Variants in PTCHD4 observed in about 807,000 individuals in gnomAD.
PTCHD4 encodes patched domain-containing protein 4.
A neutral mutation model predicts 58.1 loss-of-function variants in PTCHD4; 33 were observed. The observed-to-expected ratio is 0.57, with a 90% CI of 0.43 to 0.76. The LOEUF is 0.76. Ranked by LOEUF, PTCHD4 falls within the 30% of genes least tolerant of loss-of-function variation. PTCHD4 has a pLI of 0.00. For synonymous variants in PTCHD4, 478 were observed against 409.6 expected (o/e 1.17, Z -2.02); for missense variants, 1,058 against 1,027.1 (o/e 1.03, Z -0.41).
intron 4 of PTCHD4, among the ~76,000 whole-genome samples, chr6:47,944,605 A>C (rs1766349082): frequency 6.6e-6 from 1 of 152,084 alleles, no homozygotes; most frequent in Non-Finnish European, 1.5e-5. Flanking sequence ...CCTCCATTTA[A>C]ATAACAGGTA....
chr6:48,107,127 G>A (rs1442779357), intron 1 of PTCHD4, among the ~76,000 whole-genome samples: 1 of 151,994 alleles, frequency 6.6e-6, no homozygotes, highest in African/African-American at 2.4e-5. Context: ...AACCAAAAAA[G>A]AGCCCACATC....
chr6:48,004,252 G>T (rs1768859698), intron 4 of PTCHD4, among the ~76,000 whole-genome samples: 1 of 152,136 alleles, frequency 6.6e-6, no homozygotes, highest in Admixed American at 6.6e-5. Context: ...GTATCTGAAA[G>T]GCTTGTTTTT....
In PTCHD4 at chr6:47,869,924, G is replaced by A. The variant is rs1763671105; in HGVS notation, c.*8379C>T. 1.3e-5 allele frequency among the ~76,000 whole-genome samples: 2 copies of A among 151,514 alleles called. No homozygotes were observed. Among genetic ancestry groups the A allele is most frequent in the South Asian group, 4.1e-4 (2 of 4,828 alleles). On this transcript the variant is annotated 3_prime_UTR_variant, in exon 5 of 5. Transcript: ENST00000339488. Reference sequence around the variant, plus strand: ...GTTGCATATTATAATATTCTGTGGGGCATTTAATACTAACAATAAAGAATG... The same window carrying A: ...GTTGCATATTATAATATTCTGTGGGACATTTAATACTAACAATAAAGAATG...
chr6:48,007,157 T>C (rs1035904140), intron 4 of PTCHD4, among the ~76,000 whole-genome samples: 1 of 152,060 alleles, frequency 6.6e-6, no homozygotes, highest in African/African-American at 2.4e-5. Flanking sequence ...AGAGGATCAT[T>C]TGAACCTGAG....
rs907348642 is a variant in PTCHD4 at position 47,938,509 on chromosome 6, G to C, written c.899-58573C>G. On this transcript the variant is annotated intron_variant, in intron 4 of 4. Transcript: ENST00000339488. ...ACGGAAATTTCTTCTGAATGCTTCT[G>C]TTTTCTCAGTGAAATATAAAACAAG... 3.3e-5 allele frequency among the ~76,000 whole-genome samples: 5 copies of C among 152,282 alleles called. No individual in the cohort carries two copies. In the East Asian group the frequency reaches 7.7e-4, roughly 24 times the overall value.
At chr6:48,036,759 C>G (rs1035212553) in intron 3 of PTCHD4, among the ~76,000 whole-genome samples, 3 of 152,012 alleles carry the variant, frequency 2.0e-5, no homozygotes, top group Non-Finnish European at 4.4e-5. Flanking sequence ...AAAAAAGTCA[C>G]ATGCTAAGGT....
rs559447043 is a variant in PTCHD4 at position 47,870,768 on chromosome 6, C to T, written c.*7535G>A. ...TGATTTGACATTTTTGTTCACAATT[C>T]GTTTTTAAGCTTTCCTCAGTAAGGT... On this transcript the variant is annotated 3_prime_UTR_variant, in exon 5 of 5. Transcript: ENST00000339488. Among the ~76,000 whole-genome samples, 9 of 151,538 alleles carry T rather than the reference C, an allele frequency of 5.9e-5. No homozygotes were observed. The East Asian group carries it at 1.8e-3, about 30-fold the overall frequency.
intron 4 of PTCHD4, among the ~76,000 whole-genome samples, chr6:47,966,076 T>G (rs1306130593): frequency 6.6e-6 from 1 of 152,188 alleles, no homozygotes; most frequent in Non-Finnish European, 1.5e-5. Flanking sequence ...TAACCTTGTT[T>G]GTTGGTTTCA....
chr6:47,924,729 T>A (rs909615020), intron 4 of PTCHD4, among the ~76,000 whole-genome samples: 3 of 152,136 alleles, frequency 2.0e-5, no homozygotes, highest in African/African-American at 7.2e-5. Flanking sequence ...TCAAAACCAG[T>A]TGAGAGCAGA....
At chr6:47,924,359 T>C (rs1187976948) in intron 4 of PTCHD4, among the ~76,000 whole-genome samples, 2 of 152,136 alleles carry the variant, frequency 1.3e-5, no homozygotes, top group African/African-American at 2.4e-5. Context: ...TTTTGGGTTA[T>C]TATCAAAGTG....
intron 4 of PTCHD4, 118 bp downstream of exon 4, chr6:48,008,516 G>T: frequency 8.4e-7 from 1 of 1,186,984 alleles, no homozygotes; most frequent in Non-Finnish European, 1.2e-6. Context: ...AAAATTTTAT[G>T]TAATGACATA....
At chr6:48,094,436 A>G (rs1765422908) in intron 1 of PTCHD4, among the ~76,000 whole-genome samples, 2 of 152,218 alleles carry the variant, frequency 1.3e-5, no homozygotes, top group South Asian at 4.1e-4. Context: ...TACATTACAG[A>G]TAAAATGAAG....
chr6:47,953,646 G>A (rs923926084), intron 4 of PTCHD4, among the ~76,000 whole-genome samples: 15 of 152,134 alleles, frequency 9.9e-5, no homozygotes, highest in Admixed American at 2.6e-4. Context: ...ATGAAGCCAC[G>A]TGTATCTCGG....
intron 1 of PTCHD4, among the ~76,000 whole-genome samples, chr6:48,089,124 A>G (rs1178072559): frequency 1.3e-5 from 2 of 152,204 alleles, no homozygotes; most frequent in Admixed American, 1.3e-4. Context: ...AGACAGAGGT[A>G]CACCAGTGCC....
chr6:48,059,410 G>A (rs918910722), intron 3 of PTCHD4, among the ~76,000 whole-genome samples: 5 of 152,122 alleles, frequency 3.3e-5, no homozygotes, highest in African/African-American at 1.2e-4. Context: ...GGAGGCGGAA[G>A]TGGGCGGATC....
chr6:47,995,203 T>G (rs138058335), intron 4 of PTCHD4, among the ~76,000 whole-genome samples: 17 of 152,306 alleles, frequency 1.1e-4, no homozygotes, highest in African/African-American at 3.8e-4. Flanking sequence ...GTCAGTGATA[T>G]TGATTCATCT....
chr6:48,035,937 A>G (rs1284870256), intron 3 of PTCHD4, among the ~76,000 whole-genome samples: 1 of 152,098 alleles, frequency 6.6e-6, no homozygotes, highest in Non-Finnish European at 1.5e-5. Flanking sequence ...CCCCACTGAA[A>G]AATCCCATTG....
chr6:48,017,468 T>C (rs1400905248), intron 3 of PTCHD4, among the ~76,000 whole-genome samples: 1 of 152,198 alleles, frequency 6.6e-6, no homozygotes, highest in African/African-American at 2.4e-5. Context: ...ACAAGATTTC[T>C]GTATTGCTGA....
At chr6:48,023,748 C>G (rs1316599150) in intron 3 of PTCHD4, among the ~76,000 whole-genome samples, 16 of 152,138 alleles carry the variant, frequency 1.1e-4, no homozygotes, top group Admixed American at 4.6e-4. Context: ...TCACAAATAA[C>G]TACCTTTTTT....
Sources: allele counts gnomAD v4.1 joint callset (sites outside exome capture counted in the v4.1 genomes callset), GRCh38; gene constraint gnomAD v4.1.1; transcripts MANE v1.5; gene names NCBI Gene and HGNC (gene_info 2026-07-23, HGNC 2026-07-21).